The following CTNNA3 variants were observed in gnomAD, a reference collection of about 807,000 sequenced individuals.
CTNNA3 encodes catenin alpha-3.
Under a neutral mutation model 95.7 loss-of-function variants are expected in CTNNA3, and 76 were observed. The ratio of observed to expected loss-of-function variants is 0.79; its 90% CI spans 0.66 to 0.96. CTNNA3 has a LOEUF of 0.96. CTNNA3 is among the 40% of genes least tolerant of loss of function. The pLI, the probability that CTNNA3 is intolerant of heterozygous loss-of-function variation, is 0.00. For missense variants in CTNNA3, 1,191 were observed against 1,089.8 expected, an observed-to-expected ratio of 1.09 and a Z score of -1.31; for synonymous variants, 431 against 374.4, an observed-to-expected ratio of 1.15 and a Z score of -1.74.
chr10:66,658,703 T>C, intron 9 of CTNNA3, among the ~76,000 whole-genome samples: 1 of 152,162 alleles, frequency 6.6e-6, no homozygotes, highest in South Asian at 2.1e-4. Flanking sequence ...TTTTCTAAAA[T>C]ATTTTTTGGA....
intron 7 of CTNNA3, among the ~76,000 whole-genome samples, chr10:66,794,196 A>G (rs1841098332): frequency 6.6e-6 from 1 of 152,134 alleles, no homozygotes; most frequent in Admixed American, 6.6e-5. Flanking sequence ...CTCGAGTAAG[A>G]TGCTTCAAAT....
chr10:67,277,234 T>A (rs1352644463), intron 5 of CTNNA3, among the ~76,000 whole-genome samples: 1 of 152,194 alleles, frequency 6.6e-6, no homozygotes, highest in Non-Finnish European at 1.5e-5. Flanking sequence ...CCTGTGGTTA[T>A]TTGTTCAATG....
At chr10:66,203,338 C>T (rs1423328713) in intron 13 of CTNNA3, among the ~76,000 whole-genome samples, 2 of 152,048 alleles carry the variant, frequency 1.3e-5, no homozygotes, top group African/African-American at 4.8e-5. Context: ...AAACTAACAG[C>T]CATAAATAAT....
intron 7 of CTNNA3, among the ~76,000 whole-genome samples, chr10:67,062,399 T>C (rs1369187652): frequency 6.6e-6 from 1 of 152,222 alleles, no homozygotes; most frequent in African/African-American, 2.4e-5. Flanking sequence ...TGGTGCTAAA[T>C]GTCAGCGATG....
chr10:67,104,366 A>G (rs1290582449), intron 7 of CTNNA3, among the ~76,000 whole-genome samples: 2 of 151,944 alleles, frequency 1.3e-5, no homozygotes, highest in African/African-American at 2.4e-5. Flanking sequence ...TACTACATCA[A>G]AAGAGGCTGA....
chr10:66,395,356 C>A (rs984866975), intron 11 of CTNNA3, among the ~76,000 whole-genome samples: 1 of 151,924 alleles, frequency 6.6e-6, no homozygotes, highest in Non-Finnish European at 1.5e-5. Flanking sequence ...ACAGGTATGA[C>A]AAAGGAGGAG....
At chr10:66,838,356 A>G (rs1240478835) in intron 7 of CTNNA3, among the ~76,000 whole-genome samples, 6 of 152,138 alleles carry the variant, frequency 3.9e-5, no homozygotes, top group Non-Finnish European at 8.8e-5. Flanking sequence ...AGAACCTACA[A>G]CAATAATAAA....
At chr10:67,120,001 CT>C (rs1255715180) in intron 7 of CTNNA3, among the ~76,000 whole-genome samples, 1 of 151,802 alleles carries the variant, frequency 6.6e-6, no homozygotes, top group Non-Finnish European at 1.5e-5. Flanking sequence ...CATATCTTAG[CT>C]CTAGATAAAG....
chr10:66,691,289 G>A (rs781651028), intron 9 of CTNNA3, among the ~76,000 whole-genome samples: 3 of 152,148 alleles, frequency 2.0e-5, no homozygotes, highest in Non-Finnish European at 2.9e-5. Context: ...CTTAAAAAAC[G>A]GCGCACCAGG....
intron 7 of CTNNA3, among the ~76,000 whole-genome samples, chr10:67,061,368 C>T (rs894259920): frequency 2.6e-5 from 4 of 152,088 alleles, no homozygotes; most frequent in African/African-American, 9.7e-5. Context: ...AAAATAGAAA[C>T]GTTTGGTTCA....
At chr10:66,480,154 T>G (rs1290999766) in intron 11 of CTNNA3, among the ~76,000 whole-genome samples, 3 of 152,196 alleles carry the variant, frequency 2.0e-5, no homozygotes. Context: ...TATTTACTCC[T>G]TGTTTGAGTA....
At chr10:66,176,120 C>A (rs2085697794) in intron 13 of CTNNA3, among the ~76,000 whole-genome samples, 1 of 152,146 alleles carries the variant, frequency 6.6e-6, no homozygotes, top group African/African-American at 2.4e-5. Flanking sequence ...GTGGCCATAG[C>A]ACCGGCTTTA....
At chr10:67,297,623 G>T (rs1840100058) in intron 5 of CTNNA3, among the ~76,000 whole-genome samples, 2 of 152,214 alleles carry the variant, frequency 1.3e-5, no homozygotes, top group South Asian at 2.1e-4. Context: ...AAGAGGCAGA[G>T]AAATAGTAGA....
At chr10:66,369,897 C>A (rs7922817) in intron 12 of CTNNA3, among the ~76,000 whole-genome samples, 64,272 of 151,404 alleles carry the variant, frequency 0.42, 15,822 homozygotes, top group Non-Finnish European at 0.56. Context: ...TAATTATACC[C>A]ATTGTAACCA....
chr10:66,820,557 T>C (rs1335379990), intron 7 of CTNNA3, among the ~76,000 whole-genome samples: 1 of 151,376 alleles, frequency 6.6e-6, no homozygotes, highest in Non-Finnish European at 1.5e-5. Flanking sequence ...ATGGACATTA[T>C]GAGGTGCTTA....
chr10:66,942,969 A>G (rs775316499), intron 7 of CTNNA3, among the ~76,000 whole-genome samples: 1 of 152,236 alleles, frequency 6.6e-6, no homozygotes, highest in African/African-American at 2.4e-5. Flanking sequence ...GTGCAGGCAC[A>G]TAGGTTGACT....
chr10:66,736,190 A>G (rs1190091219), intron 9 of CTNNA3, among the ~76,000 whole-genome samples: 1 of 151,038 alleles, frequency 6.6e-6, no homozygotes, highest in African/African-American at 2.4e-5. Context: ...AGTGACGAAT[A>G]CTTTTTTTTT....
intron 5 of CTNNA3, among the ~76,000 whole-genome samples, chr10:67,430,759 T>C (rs1460712722): frequency 6.6e-6 from 1 of 151,104 alleles, no homozygotes; most frequent in Non-Finnish European, 1.5e-5. Flanking sequence ...ATACTGTATA[T>C]GCAATTATGG....
chr10:67,483,370 A>G (rs1372192213), intron 5 of CTNNA3, among the ~76,000 whole-genome samples: 1 of 144,872 alleles, frequency 6.9e-6, no homozygotes, highest in Non-Finnish European at 1.5e-5. Context: ...ACCAACCCAA[A>G]TGTCCAACAA....
Sources: gnomAD v4.1 joint callset for allele counts (sites outside exome capture counted in the v4.1 genomes callset) on GRCh38, gnomAD v4.1.1 for gene constraint, MANE v1.5 for transcripts, NCBI Gene and HGNC (gene_info 2026-07-23, HGNC 2026-07-21) for gene names.